The following CLIP1 variants were observed in gnomAD, a reference collection of about 807,000 sequenced individuals.
CLIP1 encodes CAP-Gly domain containing linker protein 1.
Under a neutral mutation model 161.6 loss-of-function variants are expected in CLIP1, and 66 were observed. The ratio of observed to expected loss-of-function variants is 0.41; its 90% CI spans 0.33 to 0.50. CLIP1 has a LOEUF of 0.50. Among genes scored for constraint, CLIP1 ranks in the 20% least tolerant of loss-of-function variants. CLIP1 has a pLI of 0.27. For missense variants in CLIP1, 1,376 were observed against 1,702.0 expected (o/e 0.81, Z 3.37); for synonymous variants, 598 against 626.2 (o/e 0.96, Z 0.67).
intron 1 of CLIP1, among the ~76,000 whole-genome samples, chr12:122,390,281 T>TATATACACACACATATATATATACATAC (rs1955581681): frequency 9.1e-6 from 1 of 110,432 alleles, no homozygotes; most frequent in Non-Finnish European, 1.7e-5. Context: ...TATATATACA[T>TATATACACACACATATATATATACATAC]ATATATATAT....
intron 1 of CLIP1, among the ~76,000 whole-genome samples, chr12:122,405,185 C>G (rs1475632092): frequency 1.3e-5 from 2 of 152,174 alleles, no homozygotes; most frequent in Non-Finnish European, 2.9e-5. Flanking sequence ...CTTCACTGAT[C>G]TGCATCCCCT....
intron 15 of CLIP1, among the ~76,000 whole-genome samples, chr12:122,331,944 G>A (rs926659853): frequency 7.2e-5 from 11 of 151,816 alleles, no homozygotes; most frequent in East Asian, 1.9e-4. Flanking sequence ...GCAGTGAGCC[G>A]AGATCACGCC....
chr12:122,297,851 G>GAC (rs1950532518), intron 20 of CLIP1, among the ~76,000 whole-genome samples: 1 of 152,224 alleles, frequency 6.6e-6, no homozygotes, highest in Non-Finnish European at 1.5e-5. Flanking sequence ...CAGCTTCTGG[G>GAC]ACAGCTTAGC....
intron 20 of CLIP1, among the ~76,000 whole-genome samples, chr12:122,305,300 C>T (rs1000481098): frequency 3.9e-5 from 6 of 152,170 alleles, no homozygotes; most frequent in Non-Finnish European, 5.9e-5. Flanking sequence ...TAGGGGTAGA[C>T]TATACCTATA....
chr12:122,310,308 T>G (rs1309096977), intron 19 of CLIP1, among the ~76,000 whole-genome samples: 4 of 152,238 alleles, frequency 2.6e-5, no homozygotes, highest in Non-Finnish European at 5.9e-5. Flanking sequence ...TGCACAGATC[T>G]ATAATTTGTT....
chr12:122,385,040 C>G (rs1955190454), intron 1 of CLIP1, among the ~76,000 whole-genome samples: 1 of 150,508 alleles, frequency 6.6e-6, no homozygotes, highest in Non-Finnish European at 1.5e-5. Context: ...TCAAGCGATT[C>G]TCCTGCCTCA....
rs1414604717 is a variant in CLIP1, at chr12:122,272,785, T to A, written c.*90A>T. 4.5e-6 allele frequency: 5 copies of A among 1,105,842 alleles called. No individual in the cohort carries two copies. The highest frequency in any genetic ancestry group is 5.4e-6 in the Non-Finnish European group (4 of 740,830). 68.5% of individuals were successfully genotyped at this position (1,105,842 alleles called of 1,614,324 possible). A position where few individuals can be genotyped will look rare whatever the true frequency, so the allele number is the denominator to read the frequency against. On this transcript the variant is annotated 3_prime_UTR_variant, in exon 26 of 26. Transcript: ENST00000620786. ...TGACGGGGTTAAAAAATAACATGAG[T>A]TCTCCTGAAGTCTGCACACACAATG...
At chr12:122,381,484 C>A (rs976826392) in intron 1 of CLIP1, among the ~76,000 whole-genome samples, 2 of 152,162 alleles carry the variant, frequency 1.3e-5, no homozygotes, top group Non-Finnish European at 2.9e-5. Context: ...AAATAGTATC[C>A]TGTCATATTC....
intron 5 of CLIP1, among the ~76,000 whole-genome samples, chr12:122,357,774 G>GC (rs1209418627): frequency 6.7e-6 from 1 of 149,204 alleles, no homozygotes; most frequent in Non-Finnish European, 1.5e-5. Flanking sequence ...GAAGTGAGGA[G>GC]CCCCTCTGCC....
At chr12:122,366,965 C>T (rs997602130) in intron 3 of CLIP1, among the ~76,000 whole-genome samples, 16 of 152,134 alleles carry the variant, frequency 1.1e-4, no homozygotes, top group African/African-American at 2.4e-5. Flanking sequence ...AAAATAAAGT[C>T]GGCCTCAATT....
intron 9 of CLIP1, among the ~76,000 whole-genome samples, chr12:122,349,386 A>G (rs1952911046): frequency 1.3e-5 from 2 of 152,176 alleles, no homozygotes; most frequent in Non-Finnish European, 2.9e-5. Flanking sequence ...GTCTATATAC[A>G]CATTATCTGG....
intron 5 of CLIP1, among the ~76,000 whole-genome samples, chr12:122,358,189 T>C (rs1382012464): frequency 2.0e-5 from 3 of 151,530 alleles, no homozygotes; most frequent in Non-Finnish European, 4.4e-5. Flanking sequence ...CAGGGTTAAA[T>C]GGATTAAGGG....
chr12:122,281,548 T>A lies in CLIP1; in HGVS notation c.3648-2403A>T, dbSNP rs78594663. ...ACAGAAACTTACAAAAAAAAAAAATTAGCTAGGCATGGCAGCGCATGCTTG... is the reference window on the plus strand; with the variant it reads ...ACAGAAACTTACAAAAAAAAAAAATAAGCTAGGCATGGCAGCGCATGCTTG... On this transcript the variant is annotated intron_variant, in intron 21 of 25. Coordinates refer to ENST00000620786, the MANE Select transcript of CLIP1 (RefSeq NM_001247997.2). Among the ~76,000 whole-genome samples, 5 of 151,522 alleles carry A rather than the reference T, an allele frequency of 3.3e-5. No homozygotes were observed. In the East Asian group the frequency reaches 9.6e-4, roughly 29 times the overall value.
At chr12:122,307,888 A>G (rs1380251538) in intron 20 of CLIP1, among the ~76,000 whole-genome samples, 1 of 152,142 alleles carries the variant, frequency 6.6e-6, no homozygotes, top group Non-Finnish European at 1.5e-5. Flanking sequence ...TCACATACAC[A>G]TTATTTCTCC....
At chr12:122,292,476 C>T (rs1020202743) in intron 20 of CLIP1, among the ~76,000 whole-genome samples, 1 of 152,132 alleles carries the variant, frequency 6.6e-6, no homozygotes, top group Non-Finnish European at 1.5e-5. Flanking sequence ...TCTTTGAGCG[C>T]TTCCTTGCTT....
At chr12:122,356,409 T>C (rs770005461) in intron 5 of CLIP1, among the ~76,000 whole-genome samples, 1 of 152,192 alleles carries the variant, frequency 6.6e-6, no homozygotes, top group South Asian at 2.1e-4. Context: ...AATAACATCA[T>C]GTACTTTCAA....
At position 122,361,081 on chromosome 12, in the gene CLIP1, C is replaced by A. The variant is rs749979444; in HGVS notation, c.883G>T (p.Ala295Ser). 1.2e-6 allele frequency: 2 copies of A among 1,614,234 alleles called. No individual in the cohort carries two copies. Among genetic ancestry groups the A allele is most frequent in the Non-Finnish European group, 1.7e-6 (2 of 1,180,036 alleles). The change falls in exon 5 of 26, where the codon GCA becomes TCA. Residue 295 changes from alanine (A) to serine (S), a missense_variant. Physicochemically the swap from Ala to Ser is moderately conservative, Grantham distance 99 (BLOSUM62 1). This residue lies in a region of CLIP1 where 211 missense variants were observed against 295.1 expected (regional missense o/e 0.72). Coordinates refer to ENST00000620786, the MANE Select transcript of CLIP1 (RefSeq NM_001247997.2). ...STTPAKAKANAVRRVMATTSA... is the reference protein window; with the variant it reads ...STTPAKAKANSVRRVMATTSA... ...GTGGTCGCCATCACTCGCCTCACTG[C>A]GTTGGCCTTGGCTTTGGCTGGTGTA...
intron 9 of CLIP1, 130 bp downstream of exon 9, chr12:122,350,981 C>G: frequency 4.9e-6 from 3 of 617,616 alleles, no homozygotes; most frequent in East Asian, 2.9e-5. Context: ...GCCACATGCA[C>G]AGAAACATTA....
intron 1 of CLIP1, among the ~76,000 whole-genome samples, chr12:122,410,014 G>A (rs1956471201): frequency 6.6e-6 from 1 of 151,716 alleles, no homozygotes; most frequent in African/African-American, 2.4e-5. Context: ...GGGACTACAG[G>A]CGCCTGTCAC....
Sources: allele counts gnomAD v4.1 joint callset (sites outside exome capture counted in the v4.1 genomes callset), GRCh38; gene constraint gnomAD v4.1.1; regional missense constraint gnomAD v4.1.1; transcripts MANE v1.5; gene names NCBI Gene and HGNC (gene_info 2026-07-23, HGNC 2026-07-21).